The following C1QTNF1 variants were observed in gnomAD, a reference collection of about 807,000 sequenced individuals.
The protein encoded by C1QTNF1 is C1q and TNF related 1, also known as complement C1q tumor necrosis factor-related protein 1.
Under a neutral mutation model 27.8 loss-of-function variants are expected in C1QTNF1, and 22 were observed. The observed-to-expected ratio is 0.79, with a 90% confidence interval of 0.56 to 1.13. C1QTNF1 has a LOEUF of 1.13. Among genes scored for constraint, C1QTNF1 ranks in the 50% most tolerant of loss-of-function variants. The pLI, the probability that C1QTNF1 is intolerant of heterozygous loss-of-function variation, is 0.00. For synonymous variants in C1QTNF1, 166 were observed against 154.3 expected, an observed-to-expected ratio of 1.08 and a Z score of -0.56; for missense variants, 373 against 380.2, an observed-to-expected ratio of 0.98 and a Z score of 0.16.
At position 79,047,787 on chromosome 17, in the gene C1QTNF1, C is replaced by T. The variant is rs1440007493; in HGVS notation, c.545C>T (p.Thr182Ile). Residue 182 changes from threonine (T) to isoleucine (I), a missense_variant, in exon 4 of 4, where the codon ACC becomes ATC. Transcript: ENST00000579760. The part of the protein sequence containing the change: ...VNLYDHFNMF[T>I]GKFYCYVPGL... The stretch of plus-strand genomic sequence containing the variant: ...CTCTACGACCACTTCAACATGTTCA[C>T]CGGCAAGTTCTACTGCTACGTGCCC... 4 of 1,614,192 alleles carry T rather than the reference C, an allele frequency of 2.5e-6. No homozygotes were observed. Among genetic ancestry groups the T allele is most frequent in the Admixed American group, 1.7e-5 (1 of 60,030 alleles).
chr17:79,029,466 T>G (rs2072068864), intron 1 of C1QTNF1, among the ~76,000 whole-genome samples: 3 of 152,166 alleles, frequency 2.0e-5, no homozygotes, highest in Non-Finnish European at 1.5e-5. Flanking sequence ...GGATCAAGCT[T>G]TCTAAGGATC....
intron 1 of C1QTNF1, among the ~76,000 whole-genome samples, chr17:79,031,009 T>C (rs1035033984): frequency 8.2e-6 from 1 of 122,226 alleles, no homozygotes; most frequent in Non-Finnish European, 1.6e-5. Flanking sequence ...TTTTCTTTTC[T>C]TTTTTTTTTT....
chr17:79,038,738 T>TC (rs2072325490), intron 1 of C1QTNF1, among the ~76,000 whole-genome samples: 1 of 152,178 alleles, frequency 6.6e-6, no homozygotes, highest in African/African-American at 2.4e-5. Flanking sequence ...GGACACAGCC[T>TC]CCCTACTGTA....
At chr17:79,030,959 T>G (rs1196617088) in intron 1 of C1QTNF1, among the ~76,000 whole-genome samples, 4 of 151,696 alleles carry the variant, frequency 2.6e-5, no homozygotes, top group Non-Finnish European at 5.9e-5. Context: ...TAACTGGTGC[T>G]GCTGGCTGAT....
chr17:79,030,635 T>C (rs180846283), intron 1 of C1QTNF1, among the ~76,000 whole-genome samples: 6 of 151,720 alleles, frequency 4.0e-5, no homozygotes, highest in Admixed American at 3.3e-4. Context: ...AGTCTTGCTA[T>C]GTTGTCCGGG....
At chr17:79,035,533 C>T (rs62076471) in intron 1 of C1QTNF1, among the ~76,000 whole-genome samples, 16,214 of 151,722 alleles carry the variant, frequency 0.11, 967 homozygotes, top group Middle Eastern at 0.15. Context: ...TGGGTTCAAG[C>T]GATTCTCCTG....
intron 2 of C1QTNF1, among the ~76,000 whole-genome samples, chr17:79,045,369 C>T (rs1267273122): frequency 6.6e-6 from 1 of 152,092 alleles, no homozygotes; most frequent in Non-Finnish European, 1.5e-5. Flanking sequence ...CTCACCTGAA[C>T]TCAATCCTAC....
chr17:79,034,791 G>C (rs2072226577), intron 1 of C1QTNF1, among the ~76,000 whole-genome samples: 1 of 152,154 alleles, frequency 6.6e-6, no homozygotes, highest in Admixed American at 6.5e-5. Context: ...GCAAGACAGA[G>C]GGCAGCTTTT....
chr17:79,036,073 T>C (rs1469687811), intron 1 of C1QTNF1, among the ~76,000 whole-genome samples: 1 of 152,280 alleles, frequency 6.6e-6, no homozygotes. Context: ...CCTTGATGAC[T>C]TCATTTTAAT....
chr17:79,040,905 AT>A (rs2072389574), intron 1 of C1QTNF1, among the ~76,000 whole-genome samples: 1 of 151,962 alleles, frequency 6.6e-6, no homozygotes, highest in African/African-American at 2.4e-5. Flanking sequence ...AAAAAAAAAA[AT>A]CAGAATTTTA....
At chr17:79,036,007 G>A (rs1406378859) in intron 1 of C1QTNF1, among the ~76,000 whole-genome samples, 1 of 152,160 alleles carries the variant, frequency 6.6e-6, no homozygotes, top group African/African-American at 2.4e-5. Flanking sequence ...TGAGAGGAAA[G>A]GGTCTAAACG....
Position 79,044,002 on chromosome 17 carries a change from T to C in C1QTNF1, c.34T>C (p.Tyr12His). The change falls in exon 2 of 4, where the codon TAC (tyrosine) becomes CAC (histidine). Residue 12 changes from tyrosine to histidine, a missense_variant. By Grantham distance (83) the Tyr-to-His change is moderately conservative. Transcript: ENST00000579760. ...GSRGQGLLLA[Y>H]CLLLAFASGL... The stretch of plus-strand genomic sequence containing the variant: ...CCGTGGACAGGGACTCTTGCTGGCG[T>C]ACTGCCTGCTCCTTGCCTTTGCCTC... 6.2e-7 allele frequency: 1 copy of C among 1,614,170 alleles called. No individual in the cohort carries two copies.
In C1QTNF1 at chr17:79,033,281, A is replaced by T. The variant is rs370524388; in HGVS notation, c.-15+8787A>T. On this transcript the variant is annotated intron_variant, in intron 1 of 3. Coordinates refer to ENST00000579760, the MANE Select transcript of C1QTNF1 (RefSeq NM_030968.5). Reference sequence around the variant, plus strand: ...GAGAACTGGATGTTTCATTTTGTTTAACTGACATAGCTCCATGTGGCTCGT... The same window carrying T: ...GAGAACTGGATGTTTCATTTTGTTTTACTGACATAGCTCCATGTGGCTCGT... 1.8e-4 allele frequency among the ~76,000 whole-genome samples: 27 copies of T among 152,226 alleles called. No individual in the cohort carries two copies. The East Asian group carries it at 5.2e-3, about 29-fold the overall frequency.
chr17:79,038,509 C>T (rs944063801), intron 1 of C1QTNF1, among the ~76,000 whole-genome samples: 4 of 152,178 alleles, frequency 2.6e-5, no homozygotes, highest in Middle Eastern at 6.8e-3. Context: ...AAATGGTCGC[C>T]GAATTACCAT....
At chr17:79,037,471 C>T (rs1262155693) in intron 1 of C1QTNF1, among the ~76,000 whole-genome samples, 6 of 151,978 alleles carry the variant, frequency 3.9e-5, no homozygotes, top group African/African-American at 1.5e-4. Flanking sequence ...GCCATGTTGG[C>T]CAGGCTGGTC....
chr17:79,035,779 ATC>A (rs1305014391), intron 1 of C1QTNF1, among the ~76,000 whole-genome samples: 1 of 152,154 alleles, frequency 6.6e-6, no homozygotes, highest in Non-Finnish European at 1.5e-5. Context: ...ATAAAGTCCT[ATC>A]TTATGCCAAG....
chr17:79,025,915 TC>T, intron 1 of C1QTNF1: 1 of 439,732 alleles, frequency 2.3e-6, no homozygotes, highest in Non-Finnish European at 4.6e-6. Flanking sequence ...ATCATCATCA[TC>T]ATCATGATGT....
At position 79,046,569 on chromosome 17, in the gene C1QTNF1, A is replaced by T. The variant is rs2072578265; in HGVS notation, c.170A>T (p.His57Leu). 6.2e-7 allele frequency: 1 copy of T among 1,614,112 alleles called. No individual in the cohort carries two copies. The highest frequency in any genetic ancestry group is 8.5e-7 in the Non-Finnish European group (1 of 1,180,048). ...PDHAERAEEQHEKYRPSQDQG... is the reference protein window; with the variant it reads ...PDHAERAEEQLEKYRPSQDQG... ...TATTCCCTCAGGGCTGAAGAACAAC[A>T]TGAAAAATACAGGCCCAGTCAGGAC... Residue 57 changes from histidine (H) to leucine (L), a missense_variant, in exon 3 of 4, where the codon CAT (histidine) becomes CTT (leucine). His to Leu is a moderately conservative substitution (Grantham distance 99). Transcript: ENST00000579760. The surrounding 1 kb of genome is among the most constrained non-coding windows in gnomAD (Gnocchi z 4.8).
At chr17:79,025,435 C>T (rs2071919767) in intron 1 of C1QTNF1, among the ~76,000 whole-genome samples, 1 of 152,158 alleles carries the variant, frequency 6.6e-6, no homozygotes, top group Admixed American at 6.5e-5. Flanking sequence ...CTCTTCTACC[C>T]CACCTAGTTT....
Sources: allele counts gnomAD v4.1 joint callset (sites outside exome capture counted in the v4.1 genomes callset), GRCh38; gene constraint gnomAD v4.1.1; non-coding constraint Gnocchi (gnomAD v3.1); transcripts MANE v1.5; gene names NCBI Gene and HGNC (gene_info 2026-07-23, HGNC 2026-07-21).